Variants in TNIP3 observed in about 807,000 individuals in gnomAD.
The protein encoded by TNIP3 is TNFAIP3 interacting protein 3, also known as TNFAIP3-interacting protein 3.
A neutral mutation model predicts 54.1 loss-of-function variants in TNIP3; 34 were observed. The ratio of observed to expected loss-of-function variants is 0.63; its 90% CI spans 0.48 to 0.84. The LOEUF is 0.84. Ranked by LOEUF, TNIP3 falls within the 40% of genes least tolerant of loss-of-function variation. TNIP3 has a pLI of 0.00. For synonymous variants in TNIP3, 134 were observed against 136.8 expected, an observed-to-expected ratio of 0.98 and a Z score of 0.14; for missense variants, 366 against 387.6, an observed-to-expected ratio of 0.94 and a Z score of 0.47.
chr4:121,133,407 C>T (rs1728591859), intron 10 of TNIP3, among the ~76,000 whole-genome samples: 1 of 152,110 alleles, frequency 6.6e-6, no homozygotes, highest in African/African-American at 2.4e-5. Flanking sequence ...AATTATGTTG[C>T]TGAGGACTGT....
intron 6 of TNIP3, among the ~76,000 whole-genome samples, chr4:121,148,835 AG>A (rs1346725199): frequency 2.6e-5 from 4 of 152,242 alleles, no homozygotes; most frequent in Non-Finnish European, 4.4e-5. Flanking sequence ...CTTTGTACTT[AG>A]TACTTGCTCA....
chr4:121,216,428 CA>C lies in TNIP3; in HGVS notation c.54del (p.Glu19LysfsTer18). The C allele has an allele frequency of 6.5e-7, 1 of 1,535,536 alleles. No individual in the cohort carries two copies. Among genetic ancestry groups the C allele is most frequent in the Non-Finnish European group, 8.7e-7 (1 of 1,146,494 alleles). ...AACTGTTATTACCTTTCAGAATCTTCAGATTGATTGGTGAACATTACCAGTT... is the reference window on the plus strand; with the variant it reads ...AACTGTTATTACCTTTCAGAATCTTCGATTGATTGGTGAACATTACCAGTT... On this transcript the variant is annotated frameshift_variant, in exon 2 of 13. Coordinates refer to the TNIP3 transcript ENST00000507879. LOFTEE classifies it high-confidence loss of function.
chr4:121,222,811 T>TTTTTTTG lies in TNIP3; in HGVS notation c.3+4573_3+4574insCAAAAAA, dbSNP rs1553939168. Among the ~76,000 whole-genome samples the TTTTTTTG allele has an allele frequency of 5.0e-3, 712 of 142,902 alleles. 15 individuals are homozygous for TTTTTTTG. Among genetic ancestry groups the TTTTTTTG allele is most frequent in the African/African-American group, 0.018 (684 of 38,174 alleles). The allele number at this position is 142,902 out of a possible 152,430, so 93.7% of individuals were successfully genotyped here. Reference sequence around the variant, plus strand: ...TGAGGGTGTTTTTTGTGCGTTTTTTTTTTTTTTTTTTTGAGACGGAGTCTC... The same window carrying TTTTTTTG: ...TGAGGGTGTTTTTTGTGCGTTTTTTTTTTTTTGTTTTTTTTTTTTGAGACGGAGTCTC... On this transcript the variant is annotated intron_variant, in intron 1 of 12. Coordinates refer to the TNIP3 transcript ENST00000509841.
In TNIP3 at chr4:121,154,463, G is replaced by A. The variant is rs182105357; in HGVS notation, c.492+88C>T. On this transcript the variant is annotated intron_variant, in intron 5 of 10. Coordinates refer to ENST00000057513, the MANE Select transcript of TNIP3 (RefSeq NM_024873.6). Reference sequence around the variant, plus strand: ...AGCCTCCAAGGCTGGGACCCACACTGCAGCCTAGATTTTGTTGCGACTGTC... The same window carrying A: ...AGCCTCCAAGGCTGGGACCCACACTACAGCCTAGATTTTGTTGCGACTGTC... 14 of 1,526,394 alleles carry A rather than the reference G, an allele frequency of 9.2e-6. No homozygotes were observed. In the Admixed American group the frequency reaches 2.0e-4, roughly 21 times the overall value. The allele number at this position is 1,526,394 out of a possible 1,614,324, so 94.6% of individuals were successfully genotyped here. A position where few individuals can be genotyped will look rare whatever the true frequency, so the allele number is the denominator to read the frequency against.
intron 5 of TNIP3, among the ~76,000 whole-genome samples, chr4:121,150,730 A>G (rs867518496): frequency 5.3e-5 from 8 of 152,190 alleles, no homozygotes; most frequent in Non-Finnish European, 8.8e-5. Flanking sequence ...ACATTCTACT[A>G]TATAACTATG....
At chr4:121,224,376 A>G (rs1727172555) in intron 1 of TNIP3, among the ~76,000 whole-genome samples, 1 of 141,742 alleles carries the variant, frequency 7.1e-6, no homozygotes, top group African/African-American at 3.1e-5. Flanking sequence ...AAATAAAAAG[A>G]AAAAAGAAAA....
At chr4:121,217,296 G>A (rs1726838951), upstream of TNIP3, among the ~76,000 whole-genome samples, 1 of 152,090 alleles carries the variant, frequency 6.6e-6, no homozygotes, top group Non-Finnish European at 1.5e-5. Flanking sequence ...AAATTTAGGA[G>A]TTAGGCCCAT....
intron 10 of TNIP3, among the ~76,000 whole-genome samples, chr4:121,133,487 G>T (rs959099116): frequency 6.6e-6 from 1 of 152,142 alleles, no homozygotes; most frequent in Admixed American, 6.5e-5. Flanking sequence ...TAAATTAATT[G>T]ATCTAACCAA....
intron 5 of TNIP3, among the ~76,000 whole-genome samples, chr4:121,151,272 T>G (rs1729733479): frequency 6.6e-6 from 1 of 152,188 alleles, no homozygotes; most frequent in African/African-American, 2.4e-5. Context: ...CTTTAGTAAC[T>G]TCAACAGTGT....
chr4:121,142,841 C>T, intron 7 of TNIP3, 65 bp from the exon 8 acceptor site: 1 of 1,411,852 alleles, frequency 7.1e-7, no homozygotes, highest in Non-Finnish European at 9.9e-7. Context: ...CCAAGCCACT[C>T]TTGACCTACT....
At chr4:121,197,525 C>CT (rs1725664443) in intron 2 of TNIP3, among the ~76,000 whole-genome samples, 1 of 132,796 alleles carries the variant, frequency 7.5e-6, no homozygotes, top group Non-Finnish European at 1.5e-5. Context: ...GAGCGAGACT[C>CT]TGTCTCAAAA....
At position 121,142,072 on chromosome 4, in the gene TNIP3, C is replaced by A. The variant is rs568568123; in HGVS notation, c.787-158G>T. On this transcript the variant is annotated intron_variant, in intron 8 of 10. Transcript: ENST00000057513. The stretch of plus-strand genomic sequence containing the variant: ...GTAAACATGTCAATAGACTCAGGAC[C>A]AATACAAACGAGGCTCACAGGTCAA... 2.0e-5 allele frequency among the ~76,000 whole-genome samples: 3 copies of A among 152,178 alleles called. No homozygotes were observed. The South Asian group carries it at 6.2e-4, about 32-fold the overall frequency.
At chr4:121,196,714 GA>G (rs1375255878) in intron 2 of TNIP3, among the ~76,000 whole-genome samples, 6 of 151,490 alleles carry the variant, frequency 4.0e-5, no homozygotes, top group Non-Finnish European at 7.4e-5. Context: ...TAAATAAATA[GA>G]AAAAGCAAGT....
intron 2 of TNIP3, among the ~76,000 whole-genome samples, chr4:121,207,730 T>C (rs1431784234): frequency 6.6e-6 from 1 of 152,204 alleles, no homozygotes; most frequent in East Asian, 1.9e-4. Flanking sequence ...CCATCTTTCT[T>C]CTAACCTCCA....
intron 7 of TNIP3, among the ~76,000 whole-genome samples, chr4:121,143,766 T>C (rs1403254362): frequency 6.6e-6 from 1 of 152,256 alleles, no homozygotes; most frequent in Non-Finnish European, 1.5e-5. Flanking sequence ...TTATTTAATA[T>C]GTATTGTTGA....
intron 2 of TNIP3, among the ~76,000 whole-genome samples, chr4:121,185,796 T>C (rs1013775774): frequency 1.3e-5 from 2 of 152,260 alleles, no homozygotes; most frequent in South Asian, 4.1e-4. Flanking sequence ...ATTGCCCTCA[T>C]GGCTGCCTTG....
At chr4:121,168,445 C>T (rs143365273), upstream of TNIP3, among the ~76,000 whole-genome samples, 602 of 152,012 alleles carry the variant, frequency 4.0e-3, 4 homozygotes, top group African/African-American at 0.013. Context: ...GTGATCCACC[C>T]GCCTCGGCCT....
intron 2 of TNIP3, among the ~76,000 whole-genome samples, chr4:121,205,831 C>T (rs1407659393): frequency 6.6e-6 from 1 of 152,076 alleles, no homozygotes; most frequent in Non-Finnish European, 1.5e-5. Flanking sequence ...TGAAGAAATA[C>T]CTGAGACTGG....
At chr4:121,158,594 T>C (rs549561144) in intron 3 of TNIP3, 93 bp downstream of exon 3, 2 of 1,020,200 alleles carry the variant, frequency 2.0e-6, no homozygotes, top group East Asian at 4.8e-5. Flanking sequence ...TCCACAAAGC[T>C]CTTTGTAGCT....
Sources: gnomAD v4.1 joint callset for allele counts (sites outside exome capture counted in the v4.1 genomes callset) on GRCh38, gnomAD v4.1.1 for gene constraint, MANE v1.5 for transcripts, NCBI Gene and HGNC (gene_info 2026-07-23, HGNC 2026-07-21) for gene names.